Variants in LHPP observed in about 807,000 individuals in gnomAD.
LHPP encodes the protein hLHPP.
Under a neutral mutation model 30.3 loss-of-function variants are expected in LHPP, and 24 were observed. The ratio of observed to expected loss-of-function variants is 0.79; its 90% CI spans 0.57 to 1.11. The LOEUF (loss-of-function observed/expected upper bound fraction) is 1.11, where lower values mean the gene tolerates loss of function less well. LHPP is among the 50% of genes most tolerant of loss of function. The pLI, the probability that LHPP is intolerant of heterozygous loss-of-function variation, is 0.00. For missense variants in LHPP, 356 were observed against 367.2 expected (o/e 0.97, Z 0.25); for synonymous variants, 150 against 157.1 (o/e 0.95, Z 0.34).
At chr10:124,540,024 C>T (rs955376196) in intron 6 of LHPP, among the ~76,000 whole-genome samples, 2 of 152,228 alleles carry the variant, frequency 1.3e-5, no homozygotes, top group Admixed American at 6.5e-5. Flanking sequence ...AGCAGTTACC[C>T]GCTTCTGCTC....
Position 124,590,335 on chromosome 10 carries a change from G to A in LHPP, c.717-22929G>A, listed in dbSNP as rs10901776. On this transcript the variant is annotated intron_variant, in intron 6 of 6. Coordinates refer to ENST00000368842, the MANE Select transcript of LHPP (RefSeq NM_022126.4). The surrounding 1 kb of genome is among the most constrained non-coding windows in gnomAD (Gnocchi z 4.3). Reference sequence around the variant, plus strand: ...CCACCCTCGACTGCGGGGAAGTGCTGGAACCCTCCGCACGAGGGCAACCTT... The same window carrying A: ...CCACCCTCGACTGCGGGGAAGTGCTAGAACCCTCCGCACGAGGGCAACCTT... 6.6e-6 allele frequency among the ~76,000 whole-genome samples: 1 copy of A among 152,016 alleles called. No homozygotes were observed. The highest frequency in any genetic ancestry group is 6.5e-5 in the Admixed American group (1 of 15,274).
chr10:124,584,654 T>G (rs1249033341), intron 6 of LHPP, among the ~76,000 whole-genome samples: 1 of 152,202 alleles, frequency 6.6e-6, no homozygotes, highest in Non-Finnish European at 1.5e-5. Flanking sequence ...ACTATCACGT[T>G]GCTGGTTTAG....
intron 6 of LHPP, among the ~76,000 whole-genome samples, chr10:124,586,970 C>T (rs1192585175): frequency 6.7e-6 from 1 of 149,130 alleles, no homozygotes; most frequent in Non-Finnish European, 1.5e-5. Flanking sequence ...TTAAAGGTAA[C>T]AAACAACCCC....
At chr10:124,513,063 G>C (rs906535851) in intron 5 of LHPP, among the ~76,000 whole-genome samples, 1 of 148,070 alleles carries the variant, frequency 6.8e-6, no homozygotes, top group Admixed American at 6.7e-5. Context: ...ATTCCAGTGA[G>C]AAGACATGTA....
intron 6 of LHPP, among the ~76,000 whole-genome samples, chr10:124,546,918 C>T (rs1305569111): frequency 1.3e-5 from 2 of 152,136 alleles, no homozygotes; most frequent in Non-Finnish European, 2.9e-5. Flanking sequence ...ATCACACACA[C>T]GCTGCTCTTT....
At chr10:124,553,368 A>G (rs982820774) in intron 6 of LHPP, among the ~76,000 whole-genome samples, 14 of 151,174 alleles carry the variant, frequency 9.3e-5, no homozygotes, top group South Asian at 4.2e-4. Context: ...ACCTGCAGCC[A>G]GGATGCACCT....
rs149750211 is a variant in LHPP at position 124,548,722 on chromosome 10, G to A, written c.716+31451G>A. ...CCCAGGTAGAGACCCTTGCTGGGCGGGCAGGTGGATCTTCGAGAATGGAGC... is the reference window on the plus strand; with the variant it reads ...CCCAGGTAGAGACCCTTGCTGGGCGAGCAGGTGGATCTTCGAGAATGGAGC... On this transcript the variant is annotated intron_variant, in intron 6 of 6. Transcript: ENST00000368842. Among the ~76,000 whole-genome samples the A allele has an allele frequency of 2.0e-5, 3 of 152,326 alleles. No individual in the cohort carries two copies. The East Asian group carries it at 5.8e-4, about 29-fold the overall frequency.
chr10:124,599,371 G>A (rs944246180), intron 6 of LHPP, among the ~76,000 whole-genome samples: 3 of 152,354 alleles, frequency 2.0e-5, no homozygotes, highest in Admixed American at 2.0e-4. Flanking sequence ...CCCAGGAGGG[G>A]CTCTTTTCAG....
At position 124,470,193 on chromosome 10, in the gene LHPP, CG is replaced by C. The variant is rs369920494; in HGVS notation, c.125+8210del. Among the ~76,000 whole-genome samples, 55 of 152,232 alleles carry C rather than the reference CG, an allele frequency of 3.6e-4. 1 individual carries two copies. The South Asian group carries it at 0.011, about 31-fold the overall frequency. On this transcript the variant is annotated intron_variant, in intron 1 of 6. Transcript: ENST00000368842. ...CAGCGAGGGGTGCAGAGGCCGGCCT[CG>C]GGGCCCTGGGCCTATGGCTGGGAGG...
chr10:124,464,793 G>A (rs2807045), intron 1 of LHPP, among the ~76,000 whole-genome samples: 94,378 of 152,066 alleles, frequency 0.62, 31,286 homozygotes, highest in East Asian at 0.88. Flanking sequence ...CATTGCTTGC[G>A]GAAGATACAT....
chr10:124,531,504 G>A (rs924635084), intron 6 of LHPP, among the ~76,000 whole-genome samples: 4 of 152,224 alleles, frequency 2.6e-5, no homozygotes, highest in East Asian at 1.9e-4. Context: ...GACCCAGTCC[G>A]GGGCCAGGCA....
At chr10:124,488,342 G>A in intron 2 of LHPP, 80 bp from the exon 3 acceptor site, 2 of 1,272,424 alleles carry the variant, frequency 1.6e-6, no homozygotes, top group South Asian at 2.5e-5. Flanking sequence ...ACATGTGAAA[G>A]GTGTCCCTGG....
At chr10:124,594,329 C>CAAAAA (rs71026102) in intron 6 of LHPP, among the ~76,000 whole-genome samples, 16 of 75,272 alleles carry the variant, frequency 2.1e-4, no homozygotes, top group South Asian at 6.8e-4. Flanking sequence ...GACTCCATCT[C>CAAAAA]AAAAAAAAAA....
Position 124,517,261 on chromosome 10 carries a change from G to A in LHPP, c.706G>A (p.Gly236Arg), listed in dbSNP as rs759928988. 31 of 1,594,218 alleles carry A rather than the reference G, an allele frequency of 1.9e-5. No individual in the cohort carries two copies. The highest frequency in any genetic ancestry group is 5.7e-5 in the South Asian group (5 of 87,722). Residue 236 changes from glycine (G) to arginine (R), a missense_variant, in exon 6 of 7, where the codon GGG (glycine) becomes AGG (arginine). By Grantham distance (125) the Gly-to-Arg change is moderately radical. Transcript: ENST00000368842. This position sits in a 1 kb window ranked among gnomAD's most constrained non-coding sequence, Gnocchi z 4.1. The part of the protein sequence containing the change: ...CGMRALQVRT[G>R]KFRPSDEHHP... ...AATGAGAGCGCTGCAGGTGCGCACCGGGAAGTTCAGGTCAGTGCCAGCTGG... is the reference window on the plus strand; with the variant it reads ...AATGAGAGCGCTGCAGGTGCGCACCAGGAAGTTCAGGTCAGTGCCAGCTGG...
intron 6 of LHPP, among the ~76,000 whole-genome samples, chr10:124,518,072 G>A (rs1264905039): frequency 6.6e-6 from 1 of 152,230 alleles, no homozygotes. Flanking sequence ...CAGGACCAGA[G>A]AAGACAGATC....
At chr10:124,468,047 G>C (rs1264744185) in intron 1 of LHPP, among the ~76,000 whole-genome samples, 2 of 152,146 alleles carry the variant, frequency 1.3e-5, no homozygotes, top group African/African-American at 4.8e-5. Flanking sequence ...GCCCAACCCA[G>C]ACCCCTACTT....
Position 124,508,228 on chromosome 10 carries a change from C to G in LHPP, c.625-8952C>G, listed in dbSNP as rs867876141. 4.6e-5 allele frequency among the ~76,000 whole-genome samples: 7 copies of G among 152,214 alleles called. No individual in the cohort carries two copies. The East Asian group carries it at 1.2e-3, about 25-fold the overall frequency. On this transcript the variant is annotated intron_variant, in intron 5 of 6. Coordinates refer to ENST00000368842, the MANE Select transcript of LHPP (RefSeq NM_022126.4). ...GGGTGTTTCCACTGAGGCCTCCCCA[C>G]GAACTCTGTTGGCTGAGCCCCACCT... is the stretch of plus-strand genomic sequence containing the variant.
At position 124,613,343 on chromosome 10, in the gene LHPP, C is replaced by T. The variant is rs1475036476; in HGVS notation, c.796C>T (p.Gln266Ter). ...NLAEAVDLLL[Q>*]HADK is the part of the protein sequence containing the mutation. ...CGCAGAGGCAGTGGACCTGCTGCTG[C>T]AGCACGCCGACAAGTGATGGCCTCC... Residue 266 changes from glutamine to a stop codon, truncating the protein, a stop_gained, in exon 7 of 7, where the codon CAG (glutamine) becomes TAG (stop). Coordinates refer to ENST00000368842, the MANE Select transcript of LHPP (RefSeq NM_022126.4). LOFTEE classifies it high-confidence loss of function. 26 of 1,612,398 alleles carry T rather than the reference C, an allele frequency of 1.6e-5. No homozygotes were observed. Among genetic ancestry groups the T allele is most frequent in the Non-Finnish European group, 2.2e-5 (26 of 1,179,630 alleles).
At chr10:124,583,808 G>A (rs562110839) in intron 6 of LHPP, among the ~76,000 whole-genome samples, 4 of 152,230 alleles carry the variant, frequency 2.6e-5, no homozygotes, top group Middle Eastern at 6.8e-3. Context: ...ACAATTCAAC[G>A]TGAGATTTGG....
Sources: allele counts gnomAD v4.1 joint callset (sites outside exome capture counted in the v4.1 genomes callset), GRCh38; gene constraint gnomAD v4.1.1; non-coding constraint Gnocchi (gnomAD v3.1); transcripts MANE v1.5; gene names NCBI Gene and HGNC (gene_info 2026-07-23, HGNC 2026-07-21).